Variants in NELL1 observed in about 807,000 individuals in gnomAD.
NELL1 encodes protein kinase C-binding protein NELL1.
NELL1 carries 76 observed loss-of-function variants against 107.4 expected under a neutral mutation model. The ratio of observed to expected loss-of-function variants is 0.71; its 90% CI spans 0.59 to 0.86. NELL1 has a LOEUF of 0.86. Among genes scored for constraint, NELL1 ranks in the 40% least tolerant of loss-of-function variants. The pLI, the probability that NELL1 is intolerant of heterozygous loss-of-function variation, is 0.00. For synonymous variants in NELL1, 353 were observed against 341.2 expected, an observed-to-expected ratio of 1.03 and a Z score of -0.38; for missense variants, 1,024 against 1,005.5, an observed-to-expected ratio of 1.02 and a Z score of -0.25.
intron 12 of NELL1, among the ~76,000 whole-genome samples, chr11:20,993,457 G>A (rs771158766): frequency 1.3e-5 from 2 of 152,156 alleles, no homozygotes; most frequent in African/African-American, 2.4e-5. Flanking sequence ...TGATGGCCAT[G>A]GAGTGATTTG....
intron 15 of NELL1, among the ~76,000 whole-genome samples, chr11:21,431,732 C>T (rs1205099824): frequency 3.9e-5 from 6 of 152,134 alleles, no homozygotes; most frequent in Non-Finnish European, 8.8e-5. Flanking sequence ...TGAGTGGCCA[C>T]GACTGTTTTG....
At chr11:21,243,168 G>A (rs369831355) in intron 14 of NELL1, among the ~76,000 whole-genome samples, 3 of 152,180 alleles carry the variant, frequency 2.0e-5, no homozygotes, top group Admixed American at 6.6e-5. Flanking sequence ...AAAAAATCAA[G>A]TATTCATATC....
chr11:20,894,317 A>G (rs1849680277), intron 5 of NELL1, among the ~76,000 whole-genome samples: 1 of 152,276 alleles, frequency 6.6e-6, no homozygotes, highest in African/African-American at 2.4e-5. Context: ...TCATCAAAAT[A>G]GATGACTAAG....
chr11:20,748,555 C>T (rs531423499), intron 2 of NELL1, among the ~76,000 whole-genome samples: 2 of 152,090 alleles, frequency 1.3e-5, no homozygotes, highest in Non-Finnish European at 2.9e-5. Context: ...CCTTATTCCC[C>T]TTCCCACCCT....
rs570851226 is a variant in NELL1, at chr11:21,295,972, T to C, written c.1549+66518T>C. On this transcript the variant is annotated intron_variant, in intron 14 of 19. Coordinates refer to ENST00000357134, the MANE Select transcript of NELL1 (RefSeq NM_006157.5). ...AACAGTCTACTGATGAAGACTCTCATATGGGCTCTGATCAGTTTAAGCATC... is the reference window on the plus strand; with the variant it reads ...AACAGTCTACTGATGAAGACTCTCACATGGGCTCTGATCAGTTTAAGCATC... Among the ~76,000 whole-genome samples, 14 of 151,774 alleles carry C rather than the reference T, an allele frequency of 9.2e-5. No homozygotes were observed. In the South Asian group the frequency reaches 2.9e-3, roughly 31 times the overall value.
At chr11:20,788,561 CATT>C (rs1857013566) in intron 3 of NELL1, among the ~76,000 whole-genome samples, 1 of 151,748 alleles carries the variant, frequency 6.6e-6, no homozygotes, top group Admixed American at 6.6e-5. Context: ...GTCTTTCTAT[CATT>C]GATTTGTAAT....
intron 5 of NELL1, among the ~76,000 whole-genome samples, chr11:20,900,245 A>G (rs1849843276): frequency 6.6e-6 from 1 of 152,134 alleles, no homozygotes; most frequent in Non-Finnish European, 1.5e-5. Flanking sequence ...ATCATGGAAT[A>G]AAGTTTCAAG....
At chr11:21,034,073 G>A (rs903263597) in intron 12 of NELL1, among the ~76,000 whole-genome samples, 15 of 152,262 alleles carry the variant, frequency 9.9e-5, no homozygotes, top group South Asian at 4.1e-4. Context: ...TCTTCATTAT[G>A]AAACCTTTGC....
At chr11:20,720,281 C>T (rs1204238846) in intron 2 of NELL1, among the ~76,000 whole-genome samples, 1 of 151,228 alleles carries the variant, frequency 6.6e-6, no homozygotes, top group Non-Finnish European at 1.5e-5. Flanking sequence ...GATCTCAGCT[C>T]ACTGCAACCT....
intron 2 of NELL1, among the ~76,000 whole-genome samples, chr11:20,738,153 G>A (rs533644924): frequency 5.7e-4 from 87 of 152,256 alleles, no homozygotes; most frequent in African/African-American, 2.0e-3. Context: ...GCTAGAGGGT[G>A]TGTGCGTGTG....
intron 15 of NELL1, among the ~76,000 whole-genome samples, chr11:21,416,986 G>T (rs1291030661): frequency 6.6e-6 from 1 of 151,948 alleles, no homozygotes; most frequent in African/African-American, 2.4e-5. Context: ...AAAACTGGAG[G>T]AGTACAAAAT....
chr11:20,690,558 G>A (rs1157006306), intron 2 of NELL1, among the ~76,000 whole-genome samples: 3 of 146,436 alleles, frequency 2.0e-5, no homozygotes, highest in Non-Finnish European at 1.5e-5. Context: ...CCCATTGCTT[G>A]TTTTTCTCAG....
At chr11:21,007,479 A>G (rs918229859) in intron 12 of NELL1, among the ~76,000 whole-genome samples, 5 of 152,126 alleles carry the variant, frequency 3.3e-5, no homozygotes, top group Non-Finnish European at 7.4e-5. Flanking sequence ...AGTTAGTCTT[A>G]GCCTGGGGCC....
In NELL1 at chr11:21,229,422, C is replaced by A. The variant is rs547191182; in HGVS notation, c.1517C>A (p.Pro506Gln). 6.2e-7 allele frequency: 1 copy of A among 1,613,934 alleles called. No individual in the cohort carries two copies. The highest frequency in any genetic ancestry group is 2.2e-5 in the East Asian group (1 of 44,810). The change falls in exon 14 of 20, where the codon CCG becomes CAG. Residue 506 changes from proline (P) to glutamine (Q), a missense_variant. By Grantham distance (76) the Pro-to-Gln change is moderately conservative (BLOSUM62 -1). Transcript: ENST00000357134. ...CAGGGACACAGCTGCACCTGCAAAC[C>A]GGGCTACGTGGGGAACGGGACCATC... Reference protein sequence around the residue: ...TVQGHSCTCKPGYVGNGTICR... With the variant: ...TVQGHSCTCKQGYVGNGTICR...
intron 2 of NELL1, among the ~76,000 whole-genome samples, chr11:20,748,669 C>T (rs965343427): frequency 2.6e-5 from 4 of 152,084 alleles, no homozygotes; most frequent in Non-Finnish European, 2.9e-5. Context: ...TTTTGATTTT[C>T]CATTCCTGAG....
At chr11:21,197,575 C>A (rs1043695122) in intron 13 of NELL1, among the ~76,000 whole-genome samples, 1 of 152,138 alleles carries the variant, frequency 6.6e-6, no homozygotes, top group African/African-American at 2.4e-5. Context: ...GTTCCCAGGG[C>A]AATTACTGAG....
chr11:21,278,094 C>G (rs1287271916), intron 14 of NELL1, among the ~76,000 whole-genome samples: 1 of 151,980 alleles, frequency 6.6e-6, no homozygotes, highest in Non-Finnish European at 1.5e-5. Context: ...CAACACCTAT[C>G]ATTGATAAAA....
intron 15 of NELL1, among the ~76,000 whole-genome samples, chr11:21,471,171 G>A (rs7937249): frequency 0.88 from 133,636 of 151,986 alleles, 58,791 homozygotes; most frequent in East Asian, 0.97. Flanking sequence ...AGAAGAAATG[G>A]TCCCATACAT....
At chr11:21,157,654 A>G (rs1277400686) in intron 13 of NELL1, among the ~76,000 whole-genome samples, 1 of 152,130 alleles carries the variant, frequency 6.6e-6, no homozygotes, top group East Asian at 1.9e-4. Flanking sequence ...CTCTTCAATA[A>G]TATTTTTTCT....
Sources: allele counts gnomAD v4.1 joint callset (sites outside exome capture counted in the v4.1 genomes callset), GRCh38; gene constraint gnomAD v4.1.1; transcripts MANE v1.5; gene names NCBI Gene and HGNC (gene_info 2026-07-23, HGNC 2026-07-21).